The following ULK4 variants were observed in gnomAD, a reference collection of about 807,000 sequenced individuals.
The protein encoded by ULK4 is unc-51 like kinase 4, also known as inactive serine/threonine-protein kinase ULK4.
ULK4 carries 133 observed loss-of-function variants against 160.6 expected under a neutral mutation model. The ratio of observed to expected loss-of-function variants is 0.83; its 90% CI spans 0.72 to 0.96. ULK4 has a LOEUF of 0.96. Ranked by LOEUF, ULK4 falls within the 40% of genes least tolerant of loss-of-function variation. The pLI is 0.00. For missense variants in ULK4, 1,580 were observed against 1,499.5 expected, an observed-to-expected ratio of 1.05 and a Z score of -0.89; for synonymous variants, 534 against 539.8, an observed-to-expected ratio of 0.99 and a Z score of 0.15.
intron 19 of ULK4, among the ~76,000 whole-genome samples, chr3:41,814,166 A>G (rs1458014002): frequency 6.6e-6 from 1 of 152,202 alleles, no homozygotes; most frequent in African/African-American, 2.4e-5. Context: ...ACATGTGAGA[A>G]CTGATGAAAT....
At chr3:41,452,325 T>A (rs1367553767) in intron 34 of ULK4, among the ~76,000 whole-genome samples, 3 of 152,198 alleles carry the variant, frequency 2.0e-5, no homozygotes, top group Admixed American at 1.3e-4. Flanking sequence ...GTATTTGGGT[T>A]GTTAGATTAG....
At chr3:41,886,057 T>C (rs1185950909) in intron 16 of ULK4, among the ~76,000 whole-genome samples, 3 of 152,134 alleles carry the variant, frequency 2.0e-5, no homozygotes, top group African/African-American at 7.2e-5. Context: ...ATCTTTCACG[T>C]GCCTGGTCCT....
At chr3:41,737,419 C>T (rs1244925190) in intron 22 of ULK4, among the ~76,000 whole-genome samples, 3 of 151,780 alleles carry the variant, frequency 2.0e-5, no homozygotes, top group African/African-American at 7.3e-5. Context: ...GAATCAATAT[C>T]ATGAAAATGG....
chr3:41,532,393 C>A (rs142011540), intron 32 of ULK4, among the ~76,000 whole-genome samples: 3 of 152,322 alleles, frequency 2.0e-5, no homozygotes, highest in African/African-American at 7.2e-5. Context: ...TACGTCATAT[C>A]CCCTTTCTTC....
chr3:41,912,328 C>CAAAAAAAAAAAAAAAAAA (rs1223106095), intron 9 of ULK4, among the ~76,000 whole-genome samples: 1 of 88,258 alleles, frequency 1.1e-5, no homozygotes. Context: ...GACGTTGTCT[C>CAAAAAAAAAAAAAAAAAA]AAAAAAAAAA....
intron 22 of ULK4, among the ~76,000 whole-genome samples, chr3:41,741,562 T>G (rs1669399130): frequency 6.6e-6 from 1 of 152,096 alleles, no homozygotes; most frequent in Non-Finnish European, 1.5e-5. Flanking sequence ...TCCTGAACAA[T>G]TCACACTTTT....
intron 31 of ULK4, among the ~76,000 whole-genome samples, chr3:41,591,725 T>C (rs75480296): frequency 0.084 from 12,712 of 152,210 alleles, 952 homozygotes; most frequent in East Asian, 0.45. Context: ...ATTCACAACA[T>C]ATGTATAAGT....
intron 32 of ULK4, among the ~76,000 whole-genome samples, chr3:41,532,510 A>G (rs1292874122): frequency 6.6e-6 from 1 of 152,210 alleles, no homozygotes; most frequent in Admixed American, 6.5e-5. Flanking sequence ...TGTAAGCTCC[A>G]TGAAGGCAGG....
At chr3:41,275,709 T>C (rs1240422478) in intron 35 of ULK4, among the ~76,000 whole-genome samples, 1 of 152,248 alleles carries the variant, frequency 6.6e-6, no homozygotes, top group Non-Finnish European at 1.5e-5. Context: ...GATGTCTGAA[T>C]GCTCATGATA....
chr3:41,305,897 C>CTT (rs1252656813), intron 35 of ULK4, among the ~76,000 whole-genome samples: 4 of 149,544 alleles, frequency 2.7e-5, no homozygotes, highest in Non-Finnish European at 5.9e-5. Flanking sequence ...TGAGGAGCAC[C>CTT]TCTGCCCGGC....
chr3:41,932,264 T>G (rs1403232675), intron 4 of ULK4, among the ~76,000 whole-genome samples: 3 of 152,144 alleles, frequency 2.0e-5, no homozygotes, highest in Non-Finnish European at 4.4e-5. Flanking sequence ...AAACTTCAGG[T>G]TTGGGGAAAG....
At chr3:41,825,872 T>C (rs549311530) in intron 18 of ULK4, among the ~76,000 whole-genome samples, 5 of 152,048 alleles carry the variant, frequency 3.3e-5, no homozygotes, top group Non-Finnish European at 7.4e-5. Context: ...TTCATGAAAG[T>C]TGAAATGAAG....
chr3:41,285,987 G>T (rs1343250897), intron 35 of ULK4, among the ~76,000 whole-genome samples: 1 of 152,168 alleles, frequency 6.6e-6, no homozygotes, highest in African/African-American at 2.4e-5. Flanking sequence ...GCTAGAGACA[G>T]GATTGGATGA....
intron 17 of ULK4, among the ~76,000 whole-genome samples, chr3:41,866,492 G>A (rs2125689101): frequency 6.6e-6 from 1 of 152,270 alleles, no homozygotes; most frequent in South Asian, 2.1e-4. Context: ...TCCCTCGCAT[G>A]CGCAGTTCAC....
chr3:41,294,522 G>A (rs952622701), intron 35 of ULK4, among the ~76,000 whole-genome samples: 1 of 152,186 alleles, frequency 6.6e-6, no homozygotes, highest in Non-Finnish European at 1.5e-5. Flanking sequence ...GTTGGTAGGA[G>A]AGAATCATGA....
intron 21 of ULK4, among the ~76,000 whole-genome samples, chr3:41,769,761 T>C (rs573033654): frequency 1.3e-5 from 2 of 152,314 alleles, no homozygotes; most frequent in East Asian, 3.9e-4. Context: ...TGGTAAAATA[T>C]TCCTCTAGTA....
intron 30 of ULK4, among the ~76,000 whole-genome samples, chr3:41,632,926 C>A (rs376393345): frequency 2.1e-4 from 32 of 152,228 alleles, no homozygotes; most frequent in African/African-American, 7.2e-4. Flanking sequence ...GAGCAGGTTT[C>A]TGACAGCAGG....
At chr3:41,512,126 C>T (rs549816252) in intron 32 of ULK4, among the ~76,000 whole-genome samples, 1 of 152,216 alleles carries the variant, frequency 6.6e-6, no homozygotes, top group African/African-American at 2.4e-5. Flanking sequence ...AAGGGACATA[C>T]CTTAAGGCAA....
rs530535438 is a variant in ULK4, at chr3:41,901,598, A to T, written c.1183-769T>A. On this transcript the variant is annotated intron_variant, in intron 12 of 36. Coordinates refer to ENST00000301831, the MANE Select transcript of ULK4 (RefSeq NM_017886.4). ...CGAGTTGAAGCAATTCTCCTGCTTC[A>T]GCCTCCCAAGTCGTGGAATTACTGG... Among the ~76,000 whole-genome samples the T allele has an allele frequency of 2.2e-3, 330 of 150,148 alleles. 4 individuals carry two copies. The highest frequency in any genetic ancestry group is 0.019 in the South Asian group (90 of 4,718).
Sources: allele counts gnomAD v4.1 joint callset (sites outside exome capture counted in the v4.1 genomes callset), GRCh38; gene constraint gnomAD v4.1.1; transcripts MANE v1.5; gene names NCBI Gene and HGNC (gene_info 2026-07-23, HGNC 2026-07-21).